Variants in ATP5MJ observed in about 807,000 individuals in gnomAD.
ATP5MJ encodes ATP synthase membrane subunit j, also known as ATP synthase F(0) complex subunit j, mitochondrial.
In ATP5MJ, 4 loss-of-function variants were observed where a neutral mutation model predicts 8.3. The observed-to-expected ratio is 0.48, with a 90% CI of 0.24 to 1.11. The LOEUF is 1.11. Ranked by LOEUF, ATP5MJ falls within the 50% of genes least tolerant of loss-of-function variation. ATP5MJ has a pLI of 0.18. For synonymous variants in ATP5MJ, 23 were observed against 21.3 expected (o/e 1.08, Z -0.23); for missense variants, 66 against 71.8 (o/e 0.92, Z 0.29).
chr14:103,919,759 TTC>T (rs1006717428), intron 1 of ATP5MJ, among the ~76,000 whole-genome samples: 3 of 152,146 alleles, frequency 2.0e-5, no homozygotes, highest in African/African-American at 7.2e-5. Flanking sequence ...TTCCCTTCCT[TTC>T]CCCTTGACTT....
intron 3 of ATP5MJ, 191 bp from the exon 4 acceptor site, chr14:103,912,885 GCAGA>G (rs2087591610): frequency 5.0e-6 from 3 of 595,426 alleles, no homozygotes; most frequent in Non-Finnish European, 8.8e-6. Context: ...TGTAATGACA[GCAGA>G]CAGGCAGTGG....
At chr14:103,914,677 T>C in intron 2 of ATP5MJ, 1 of 570,824 alleles carries the variant, frequency 1.8e-6, no homozygotes, top group Non-Finnish European at 3.1e-6. Flanking sequence ...CTAGGTGTGG[T>C]GGTGTTGGGC....
At chr14:103,914,324 T>C (rs1383563380) in intron 2 of ATP5MJ, 1 of 540,902 alleles carries the variant, frequency 1.8e-6, no homozygotes, top group Non-Finnish European at 3.3e-6. Flanking sequence ...TGGTTATTCC[T>C]CCCCTCCAAA....
Position 103,913,991 on chromosome 14 carries a change from TA to T in ATP5MJ, c.125-8del, listed in dbSNP as rs553833325. The T allele has an allele frequency of 2.4e-4, 381 of 1,603,082 alleles. 2 individuals are homozygous for T. In the African/African-American group the frequency reaches 4.4e-3, roughly 19 times the overall value. Reference sequence around the variant, plus strand: ...AAAGCCTTACTTCTTTTATCTAAAATAAAAGGAAGGAAAAAAAAGCAGTCAT... The same window carrying T: ...AAAGCCTTACTTCTTTTATCTAAAATAAAGGAAGGAAAAAAAAGCAGTCAT... On this transcript the variant is annotated splice_region_variant and splice_polypyrimidine_tract_variant and intron_variant, in intron 2 of 3. Transcript: ENST00000286953.
chr14:103,918,467 T>C (rs1595878678), intron 1 of ATP5MJ, among the ~76,000 whole-genome samples: 1 of 151,866 alleles, frequency 6.6e-6, no homozygotes, highest in Non-Finnish European at 1.5e-5. Context: ...TTCACACCAT[T>C]CTCCTGCCTC....
intron 2 of ATP5MJ, chr14:103,914,292 C>T (rs1284703146): frequency 7.1e-6 from 4 of 563,500 alleles, no homozygotes; most frequent in African/African-American, 5.6e-5. Flanking sequence ...GGCCACACTG[C>T]TCTGCTCTAC....
intron 1 of ATP5MJ, chr14:103,920,854 A>G (rs1295434418): frequency 2.0e-5 from 19 of 960,304 alleles, no homozygotes; most frequent in Admixed American, 4.0e-5. Flanking sequence ...TTAAAAATCC[A>G]TCTTATTCAT....
chr14:103,917,139 G>A (rs1324988603), intron 1 of ATP5MJ, among the ~76,000 whole-genome samples: 6 of 152,164 alleles, frequency 3.9e-5, no homozygotes, highest in Non-Finnish European at 7.3e-5. Context: ...GAATGAACTC[G>A]GAGAGCTGGA....
rs551365196 is a variant in ATP5MJ at position 103,920,067 on chromosome 14, C to T, written c.-1+1403G>A. ...GTCTCGGTCTCTTAACCTCGTGATC[C>T]GCCCGCCTCAGCCTCCCAAAGGGCT... is the stretch of plus-strand genomic sequence containing the variant. On this transcript the variant is annotated intron_variant, in intron 1 of 3. Transcript: ENST00000286953. Among the ~76,000 whole-genome samples the T allele has an allele frequency of 2.0e-5, 3 of 151,914 alleles. No individual in the cohort carries two copies. In the East Asian group the frequency reaches 5.8e-4, roughly 29 times the overall value.
At chr14:103,915,727 G>A (rs1473195225) in intron 1 of ATP5MJ, among the ~76,000 whole-genome samples, 1 of 149,582 alleles carries the variant, frequency 6.7e-6, no homozygotes, top group Non-Finnish European at 1.5e-5. Flanking sequence ...GACCTCAAGT[G>A]ATCTGCCCAC....
intron 2 of ATP5MJ, 152 bp from the exon 3 acceptor site, chr14:103,914,136 T>C (rs2087604027): frequency 1.4e-6 from 1 of 692,330 alleles, no homozygotes; most frequent in Admixed American, 3.0e-5. Context: ...AATGGTAAAA[T>C]TCCTACCAAA....
chr14:103,918,852 C>G lies in ATP5MJ; in HGVS notation c.-1+2618G>C, dbSNP rs1228262591. ...CCTGGCTAACACGGTGAAACCCCGT[C>G]TCTACTAAAAATACAAAAAATTAGC... On this transcript the variant is annotated intron_variant, in intron 1 of 3. Coordinates refer to ENST00000286953, the MANE Select transcript of ATP5MJ (RefSeq NM_004894.3). Among the ~76,000 whole-genome samples the G allele has an allele frequency of 2.6e-5, 4 of 151,932 alleles. No homozygotes were observed. In the East Asian group the frequency reaches 7.9e-4, roughly 30 times the overall value.
chr14:103,921,064 G>A (rs570151766), intron 1 of ATP5MJ: 1 of 1,545,538 alleles, frequency 6.5e-7, no homozygotes, highest in African/African-American at 1.4e-5. Flanking sequence ...AACGTGGAGG[G>A]CAGTGTGGCG....
chr14:103,920,877 T>G (rs2087671678), intron 1 of ATP5MJ: 3 of 1,130,520 alleles, frequency 2.7e-6, no homozygotes, highest in African/African-American at 3.1e-5. Flanking sequence ...GCCAAACGTG[T>G]GTCTACTGTA....
At chr14:103,921,105 G>A in intron 1 of ATP5MJ, 7 of 1,393,880 alleles carry the variant, frequency 5.0e-6, no homozygotes, top group Non-Finnish European at 7.0e-6. Context: ...AGGAGAGAAG[G>A]GACTGGATGT....
intron 1 of ATP5MJ, among the ~76,000 whole-genome samples, chr14:103,918,429 C>A (rs184962528): frequency 1.3e-5 from 2 of 152,008 alleles, no homozygotes; most frequent in African/African-American, 4.8e-5. Context: ...TGGCGGATCT[C>A]GGCTCATTGC....
intron 3 of ATP5MJ, chr14:103,913,668 T>C (rs2087598756): frequency 7.5e-6 from 4 of 530,106 alleles, no homozygotes; most frequent in Non-Finnish European, 1.3e-5. Flanking sequence ...ACAGCATGCT[T>C]GCACAGCTCA....
At position 103,912,869 on chromosome 14, in the gene ATP5MJ, G is replaced by C. The variant is rs2236246; in HGVS notation, c.149-175C>G. 1.9e-5 allele frequency: 12 copies of C among 642,578 alleles called. No individual in the cohort carries two copies. The East Asian group carries it at 3.3e-4, about 18-fold the overall frequency. 39.8% of individuals were successfully genotyped at this position (642,578 alleles called of 1,614,324 possible). A position where few individuals can be genotyped will look rare whatever the true frequency, so the allele number is the denominator to read the frequency against. Reference sequence around the variant, plus strand: ...ATATGAAACACCCAGAGTGCTTAAGGGTTCATGTAATGACAGCAGACAGGC... The same window carrying C: ...ATATGAAACACCCAGAGTGCTTAAGCGTTCATGTAATGACAGCAGACAGGC... On this transcript the variant is annotated intron_variant, in intron 3 of 3. Transcript: ENST00000286953.
chr14:103,920,100 C>T (rs1195673400), intron 1 of ATP5MJ, among the ~76,000 whole-genome samples: 1 of 150,454 alleles, frequency 6.6e-6, no homozygotes, highest in East Asian at 2.0e-4. Flanking sequence ...GCTGGGATTA[C>T]AGGCGTGAAC....
Sources: allele counts gnomAD v4.1 joint callset (sites outside exome capture counted in the v4.1 genomes callset), GRCh38; gene constraint gnomAD v4.1.1; transcripts MANE v1.5; gene names NCBI Gene and HGNC (gene_info 2026-07-23, HGNC 2026-07-21).